NRG2: variants seen among roughly 807,000 people sequenced by gnomAD.
NRG2 encodes the protein neuregulin 2, also known as pro-neuregulin-2, membrane-bound isoform.
NRG2 carries 27 observed loss-of-function variants against 73.9 expected under a neutral mutation model. The observed-to-expected ratio is 0.37, with a 90% CI of 0.27 to 0.50. The LOEUF (loss-of-function observed/expected upper bound fraction) is 0.50. Ranked by LOEUF, NRG2 falls within the 20% of genes least tolerant of loss-of-function variation. The probability of loss-of-function intolerance (pLI) is 0.96; values close to 1 mark genes in which losing one functional copy is unlikely to be tolerated. For synonymous variants in NRG2, 532 were observed against 541.0 expected, an observed-to-expected ratio of 0.98 and a Z score of 0.23; for missense variants, 1,126 against 1,210.1, an observed-to-expected ratio of 0.93 and a Z score of 1.03.
chr5:139,948,008 A>G (rs1753921855), intron 1 of NRG2, among the ~76,000 whole-genome samples: 1 of 152,162 alleles, frequency 6.6e-6, no homozygotes, highest in Non-Finnish European at 1.5e-5. Flanking sequence ...ACCATTCTCC[A>G]TCTCCAGAGC....
At chr5:139,906,030 T>C (rs1002296255) in intron 1 of NRG2, among the ~76,000 whole-genome samples, 3 of 152,080 alleles carry the variant, frequency 2.0e-5, no homozygotes, top group Admixed American at 6.5e-5. Context: ...TTTTTTGAGA[T>C]GTAGTCTCAC....
chr5:139,965,980 T>G (rs889138990), intron 1 of NRG2, among the ~76,000 whole-genome samples: 6 of 152,342 alleles, frequency 3.9e-5, no homozygotes, highest in Non-Finnish European at 8.8e-5. Context: ...TTCTAATTTT[T>G]TTTTTATATT....
intron 1 of NRG2, among the ~76,000 whole-genome samples, chr5:139,945,955 G>A (rs1345765654): frequency 6.6e-6 from 1 of 151,980 alleles, no homozygotes; most frequent in African/African-American, 2.4e-5. Context: ...ACTGTTGAAA[G>A]AAATTAAAGA....
intron 6 of NRG2, among the ~76,000 whole-genome samples, chr5:139,854,985 C>T (rs1761714774): frequency 6.6e-6 from 1 of 152,156 alleles, no homozygotes; most frequent in Non-Finnish European, 1.5e-5. Context: ...GTCTGGGCTG[C>T]CCATGCTCCG....
Position 139,868,628 on chromosome 5 carries a change from C to A in NRG2, c.1113-3003G>T, listed in dbSNP as rs1218835293. ...TGGGGTGACAGAGAGGTCAGGACCT[C>A]TGCCTTCCCCTTTTCCCACCCCACC... On this transcript the variant is annotated intron_variant, in intron 4 of 9. Coordinates refer to ENST00000361474, the MANE Select transcript of NRG2 (RefSeq NM_004883.3). This position sits in a 1 kb window ranked among gnomAD's most constrained non-coding sequence, Gnocchi z 4.2. Among the ~76,000 whole-genome samples the A allele has an allele frequency of 6.6e-6, 1 of 152,058 alleles. No individual in the cohort carries two copies. The highest frequency in any genetic ancestry group is 1.5e-5 in the Non-Finnish European group (1 of 67,986).
chr5:139,988,396 G>A lies in NRG2; in HGVS notation c.700+53974C>T, dbSNP rs114649826. The stretch of plus-strand genomic sequence containing the variant: ...TAATTGCCAAAACTTGAAAGCAACC[G>A]AGTTGGCCTTCATTAGAGGAATGAA... On this transcript the variant is annotated intron_variant, in intron 1 of 9. Transcript: ENST00000361474. Among the ~76,000 whole-genome samples, 296 of 152,118 alleles carry A rather than the reference G, an allele frequency of 1.9e-3. 4 individuals carry two copies. The highest frequency in any genetic ancestry group is 6.2e-3 in the African/African-American group (257 of 41,534).
At chr5:140,030,362 C>T (rs927917842) in intron 1 of NRG2, among the ~76,000 whole-genome samples, 19 of 152,180 alleles carry the variant, frequency 1.2e-4, no homozygotes, top group African/African-American at 3.1e-4. Context: ...CTAATCAAAA[C>T]CAATGCCTTT....
intron 9 of NRG2, 57 bp from the exon 10 acceptor site, chr5:139,848,754 GGGGGT>G: frequency 1.2e-6 from 1 of 817,106 alleles, no homozygotes; most frequent in Non-Finnish European, 1.7e-6. Context: ...GCGGGGGAGG[GGGGGT>G]TGGGGGTGGG....
intron 1 of NRG2, among the ~76,000 whole-genome samples, chr5:140,003,237 G>A: frequency 6.6e-6 from 1 of 152,182 alleles, no homozygotes; most frequent in East Asian, 1.9e-4. Context: ...TAATTATACA[G>A]AGATAGAAAG....
chr5:139,881,081 G>A, intron 2 of NRG2, 107 bp from the exon 3 acceptor site: 1 of 849,230 alleles, frequency 1.2e-6, no homozygotes, highest in South Asian at 1.5e-5. Context: ...CAGTGGCCCT[G>A]CAGCTTAGAT....
intron 1 of NRG2, among the ~76,000 whole-genome samples, chr5:140,038,072 T>C (rs1761643459): frequency 6.6e-6 from 1 of 152,044 alleles, no homozygotes; most frequent in African/African-American, 2.4e-5. Context: ...TTTTTATGTA[T>C]TTTCTGAATT....
intron 1 of NRG2, among the ~76,000 whole-genome samples, chr5:139,970,678 G>A (rs1755898654): frequency 6.6e-6 from 1 of 152,174 alleles, no homozygotes; most frequent in African/African-American, 2.4e-5. Context: ...TGCAACCTGT[G>A]CATGAAAGAC....
rs373179816 is a variant in NRG2 at position 139,990,031 on chromosome 5, G to A, written c.700+52339C>T. Among the ~76,000 whole-genome samples, 153 of 151,252 alleles carry A rather than the reference G, an allele frequency of 1.0e-3. 2 individuals are homozygous for A. In the East Asian group the frequency reaches 0.023, roughly 22 times the overall value. ...TCTTGATCTCCTGACCTTGTGATCC[G>A]CCCACCTCGGCCTCCCAAAGTGCTG... On this transcript the variant is annotated intron_variant, in intron 1 of 9. Transcript: ENST00000361474.
rs141022351 is a variant in NRG2, at chr5:139,904,218, G to A, written c.701-16707C>T. ...CCGCGGCGGCCGCTAGCGCAGCCTA[G>A]ACTCACCCGCGCTGCGCTGGGGGCG... On this transcript the variant is annotated intron_variant, in intron 1 of 9. Transcript: ENST00000361474. The surrounding 1 kb of genome is among the most constrained non-coding windows in gnomAD (Gnocchi z 6.0). The A allele has an allele frequency of 3.9e-3, 5,507 of 1,427,160 alleles. 16 individuals are homozygous for A. Among genetic ancestry groups the A allele is most frequent in the Non-Finnish European group, 4.7e-3 (5,047 of 1,072,160 alleles). 88.4% of individuals were successfully genotyped at this position (1,427,160 alleles called of 1,614,324 possible).
intron 1 of NRG2, among the ~76,000 whole-genome samples, chr5:139,899,673 G>A (rs1032808435): frequency 2.0e-5 from 3 of 152,250 alleles, no homozygotes; most frequent in South Asian, 2.1e-4. Context: ...GCAGGGACTC[G>A]ACCCACTTAT....
chr5:140,035,947 C>A (rs2916093), intron 1 of NRG2, among the ~76,000 whole-genome samples: 1 of 152,020 alleles, frequency 6.6e-6, no homozygotes, highest in African/African-American at 2.4e-5. Flanking sequence ...AATACAGAAA[C>A]TTTCTACAGT....
chr5:139,971,582 G>C (rs1265182328), intron 1 of NRG2, among the ~76,000 whole-genome samples: 2 of 152,082 alleles, frequency 1.3e-5, no homozygotes, highest in Non-Finnish European at 2.9e-5. Flanking sequence ...TTGCCTTCCA[G>C]TTACAAAACA....
At chr5:139,922,607 C>A (rs981318115) in intron 1 of NRG2, among the ~76,000 whole-genome samples, 5 of 152,106 alleles carry the variant, frequency 3.3e-5, no homozygotes, top group African/African-American at 1.2e-4. Context: ...TGGTATTTAC[C>A]CAAATGAGCT....
intron 1 of NRG2, among the ~76,000 whole-genome samples, chr5:140,010,295 C>CAA (rs374017143): frequency 6.8e-5 from 10 of 147,606 alleles, no homozygotes; most frequent in South Asian, 4.2e-4. Flanking sequence ...GAGACTGTCT[C>CAA]AAAAAAAAAA....
Sources: allele counts gnomAD v4.1 joint callset (sites outside exome capture counted in the v4.1 genomes callset), GRCh38; gene constraint gnomAD v4.1.1; non-coding constraint Gnocchi (gnomAD v3.1); transcripts MANE v1.5; gene names NCBI Gene and HGNC (gene_info 2026-07-23, HGNC 2026-07-21).